Variants in LPXN observed in about 807,000 individuals in gnomAD.
LPXN encodes leupaxin.
Under a neutral mutation model 45.6 loss-of-function variants are expected in LPXN, and 28 were observed. The ratio of observed to expected loss-of-function variants is 0.61; its 90% CI spans 0.45 to 0.84. The LOEUF (loss-of-function observed/expected upper bound fraction) is 0.84. LPXN is among the 40% of genes least tolerant of loss of function. The pLI is 0.00. For synonymous variants in LPXN, 166 were observed against 169.9 expected (o/e 0.98, Z 0.18); for missense variants, 459 against 475.0 (o/e 0.97, Z 0.31).
chr11:58,565,382 ATTTAGCTGGGAGTGGTG>A (rs1854498776), intron 2 of LPXN, among the ~76,000 whole-genome samples: 1 of 152,062 alleles, frequency 6.6e-6, no homozygotes, highest in African/African-American at 2.4e-5. Flanking sequence ...AACTATAAAA[ATTTAGCTGGGAGTGGTG>A]TTGCGTGCCT....
At chr11:58,561,269 T>C (rs1854367752) in intron 3 of LPXN, among the ~76,000 whole-genome samples, 2 of 152,172 alleles carry the variant, frequency 1.3e-5, no homozygotes, top group Non-Finnish European at 1.5e-5. Context: ...AGAAAAAAAG[T>C]AGAAGAAAAG....
intron 3 of LPXN, among the ~76,000 whole-genome samples, chr11:58,556,755 C>T (rs1283681893): frequency 1.3e-5 from 2 of 152,018 alleles, no homozygotes; most frequent in Admixed American, 6.5e-5. Flanking sequence ...AAAAAAGAAC[C>T]TGTTCACAAT....
At chr11:58,546,079 A>C (rs927045461) in intron 7 of LPXN, among the ~76,000 whole-genome samples, 1 of 152,218 alleles carries the variant, frequency 6.6e-6, no homozygotes, top group African/African-American at 2.4e-5. Context: ...CCATAAGGAA[A>C]GAGAAAAAAG....
intron 3 of LPXN, among the ~76,000 whole-genome samples, chr11:58,560,888 A>C (rs1413247921): frequency 6.6e-6 from 1 of 152,200 alleles, no homozygotes; most frequent in Non-Finnish European, 1.5e-5. Context: ...CAAACTAATA[A>C]TTTATTGCTG....
intron 3 of LPXN, among the ~76,000 whole-genome samples, chr11:58,560,997 A>G (rs74642970): frequency 0.03 from 4,537 of 152,288 alleles, 226 homozygotes; most frequent in African/African-American, 0.1. Flanking sequence ...TTAAATTTTA[A>G]GAAGGGAAAT....
chr11:58,562,746 G>A (rs1346812821), intron 3 of LPXN, among the ~76,000 whole-genome samples: 1 of 152,204 alleles, frequency 6.6e-6, no homozygotes, highest in Non-Finnish European at 1.5e-5. Context: ...GACCTGTTGT[G>A]CTCCAGCTGA....
At chr11:58,545,590 G>A (rs2120287337) in intron 7 of LPXN, among the ~76,000 whole-genome samples, 1 of 152,262 alleles carries the variant, frequency 6.6e-6, no homozygotes, top group East Asian at 1.9e-4. Flanking sequence ...AAGCTCCAGT[G>A]AACAAGCAAA....
intron 3 of LPXN, among the ~76,000 whole-genome samples, chr11:58,558,211 C>CTA (rs1854266299): frequency 6.6e-6 from 1 of 150,834 alleles, no homozygotes; most frequent in South Asian, 2.1e-4. Flanking sequence ...GATGTGGTGT[C>CTA]TTATAGAGTA....
At chr11:58,529,769 A>C (rs1853332352) in intron 7 of LPXN, among the ~76,000 whole-genome samples, 1 of 152,230 alleles carries the variant, frequency 6.6e-6, no homozygotes, top group African/African-American at 2.4e-5. Flanking sequence ...GGAACAGCTC[A>C]GGTCTGCAGC....
At chr11:58,563,953 C>T (rs561391712) in intron 3 of LPXN, among the ~76,000 whole-genome samples, 3 of 152,130 alleles carry the variant, frequency 2.0e-5, no homozygotes, top group Admixed American at 6.5e-5. Flanking sequence ...CCTAGACAAC[C>T]CTTCCAGAAG....
chr11:58,560,311 CATAA>C (rs1401548271), intron 3 of LPXN, among the ~76,000 whole-genome samples: 1 of 152,152 alleles, frequency 6.6e-6, no homozygotes, highest in Non-Finnish European at 1.5e-5. Flanking sequence ...CAGTAAAGTA[CATAA>C]ATATAGTCAC....
intron 7 of LPXN, among the ~76,000 whole-genome samples, chr11:58,539,937 A>G (rs1268722066): frequency 2.0e-5 from 3 of 152,342 alleles, no homozygotes; most frequent in African/African-American, 7.2e-5. Flanking sequence ...GAACTTTAAA[A>G]TAGAGGGATC....
At position 58,565,476 on chromosome 11, in the gene LPXN, G is replaced by A. The variant is rs1854501204; in HGVS notation, c.172-1275C>T. ...TTGAACCCGGGAGGCAGAGATTGCAGTGAGCTGAGATCATGCCACTGCACT... is the reference window on the plus strand; with the variant it reads ...TTGAACCCGGGAGGCAGAGATTGCAATGAGCTGAGATCATGCCACTGCACT... On this transcript the variant is annotated intron_variant, in intron 2 of 8. Coordinates refer to ENST00000395074, the MANE Select transcript of LPXN (RefSeq NM_004811.3). Among the ~76,000 whole-genome samples, 4 of 151,734 alleles carry A rather than the reference G, an allele frequency of 2.6e-5. No individual in the cohort carries two copies. The South Asian group carries it at 6.2e-4, about 24-fold the overall frequency.
chr11:58,547,994 A>G (rs1198319218), intron 7 of LPXN, among the ~76,000 whole-genome samples: 1 of 152,192 alleles, frequency 6.6e-6, no homozygotes. Flanking sequence ...CACATGAAAC[A>G]AACATACAAA....
intron 7 of LPXN, among the ~76,000 whole-genome samples, chr11:58,540,425 G>C (rs1344250297): frequency 6.6e-6 from 1 of 152,072 alleles, no homozygotes; most frequent in Non-Finnish European, 1.5e-5. Flanking sequence ...ATGATAATAA[G>C]AAATTCTTAA....
At chr11:58,543,325 T>A (rs926911117) in intron 7 of LPXN, among the ~76,000 whole-genome samples, 1 of 152,186 alleles carries the variant, frequency 6.6e-6, no homozygotes, top group Admixed American at 6.5e-5. Context: ...AAAATTGAGA[T>A]CATCTGCTCC....
At chr11:58,548,049 T>A (rs973950627) in intron 7 of LPXN, among the ~76,000 whole-genome samples, 4 of 151,856 alleles carry the variant, frequency 2.6e-5, no homozygotes, top group Non-Finnish European at 5.9e-5. Context: ...ATAAAAAAAA[T>A]TTAATAAAAA....
intron 7 of LPXN, among the ~76,000 whole-genome samples, chr11:58,537,825 C>G (rs57631570): frequency 5.5e-4 from 83 of 151,234 alleles, no homozygotes; most frequent in East Asian, 4.3e-3. Context: ...ACAATGTGCA[C>G]GTTAGTTACA....
intron 7 of LPXN, among the ~76,000 whole-genome samples, chr11:58,540,434 A>G (rs1853681119): frequency 6.6e-6 from 1 of 152,168 alleles, no homozygotes; most frequent in Non-Finnish European, 1.5e-5. Context: ...AGAAATTCTT[A>G]ATTTGTTAAG....
Sources: allele counts gnomAD v4.1 joint callset (sites outside exome capture counted in the v4.1 genomes callset), GRCh38; gene constraint gnomAD v4.1.1; transcripts MANE v1.5; gene names NCBI Gene and HGNC (gene_info 2026-07-23, HGNC 2026-07-21).